Variants in TIMM23 observed in about 807,000 individuals in gnomAD.
TIMM23 encodes translocase of inner mitochondrial membrane 23.
TIMM23 carries 19 observed loss-of-function variants against 30.7 expected under a neutral mutation model. That is an observed-to-expected ratio of 0.62 (90% CI 0.43 to 0.91). The LOEUF (loss-of-function observed/expected upper bound fraction) is 0.91, where lower values mean the gene tolerates loss of function less well. Ranked by LOEUF, TIMM23 falls within the 40% of genes least tolerant of loss-of-function variation. The pLI, the probability that TIMM23 is intolerant of heterozygous loss-of-function variation, is 0.00. For synonymous variants in TIMM23, 78 were observed against 98.5 expected (o/e 0.79, Z 1.23); for missense variants, 202 against 269.2 (o/e 0.75, Z 1.75).
chr10:45,975,507 G>T lies in TIMM23; in HGVS notation c.160G>T (p.Val54Leu). ...PYLNVDPRYL[V>L]QDTDEFILPT... is the part of the protein sequence containing the mutation. ...TTTAAATGTGGATCCACGATACCTC[G>T]TGCAGGTAAGATTAAGATTTTACTA... Residue 54 changes from valine to leucine, a missense_variant, in exon 2 of 7, where the codon GTG (valine) becomes TTG (leucine). Transcript: ENST00000580018. The T allele has an allele frequency of 6.2e-7, 1 of 1,613,778 alleles. No homozygotes were observed. Among genetic ancestry groups the T allele is most frequent in the Admixed American group, 1.7e-5 (1 of 59,998 alleles).
intron 6 of TIMM23, 52 bp from the exon 7 acceptor site, chr10:46,003,151 G>A: frequency 7.2e-7 from 1 of 1,391,180 alleles, no homozygotes; most frequent in Non-Finnish European, 1.0e-6. Flanking sequence ...ATCGTGCTAG[G>A]GCACTATGCA....
chr10:45,998,830 T>C (rs1488148293), intron 6 of TIMM23, among the ~76,000 whole-genome samples: 2 of 126,938 alleles, frequency 1.6e-5, no homozygotes, highest in Non-Finnish European at 3.2e-5. Flanking sequence ...GTCCCAAATA[T>C]CTTTTTTTTT....
chr10:45,992,597 C>T (rs1457773907), intron 6 of TIMM23: 50 of 427,988 alleles, frequency 1.2e-4, no homozygotes, highest in African/African-American at 7.5e-4. Flanking sequence ...TTTGCTCTGT[C>T]GCCAGGCTGC....
intron 2 of TIMM23, among the ~76,000 whole-genome samples, chr10:45,980,550 A>G (rs1325942680): frequency 6.6e-6 from 1 of 152,124 alleles, no homozygotes; most frequent in Non-Finnish European, 1.5e-5. Context: ...AAATAAGGAA[A>G]ATTTAAATAT....
At chr10:45,994,265 G>A (rs1838259594) in intron 6 of TIMM23, among the ~76,000 whole-genome samples, 1 of 151,962 alleles carries the variant, frequency 6.6e-6, no homozygotes. Context: ...CTTGAACCCA[G>A]GAGATGGTGG....
intron 2 of TIMM23, among the ~76,000 whole-genome samples, chr10:45,978,591 A>C (rs2132247203): frequency 6.6e-6 from 1 of 152,336 alleles, no homozygotes; most frequent in African/African-American, 2.4e-5. Flanking sequence ...CCACAATGAG[A>C]TACCTCTTTA....
chr10:45,987,593 C>T (rs1442125361), intron 5 of TIMM23, among the ~76,000 whole-genome samples: 2 of 149,008 alleles, frequency 1.3e-5, no homozygotes, highest in African/African-American at 4.9e-5. Flanking sequence ...ACATACTTAA[C>T]ATTTGCGTAT....
At chr10:46,001,405 G>A (rs181874085) in intron 6 of TIMM23, among the ~76,000 whole-genome samples, 62 of 152,276 alleles carry the variant, frequency 4.1e-4, no homozygotes, top group Admixed American at 1.4e-3. Flanking sequence ...GTTTGAGAGA[G>A]ATAATTATGA....
At chr10:45,975,030 T>G (rs1294886326) in intron 1 of TIMM23, among the ~76,000 whole-genome samples, 1 of 152,126 alleles carries the variant, frequency 6.6e-6, no homozygotes, top group Admixed American at 6.5e-5. Flanking sequence ...AGATACAACA[T>G]GTACACAGTC....
intron 2 of TIMM23, among the ~76,000 whole-genome samples, chr10:45,979,249 C>G (rs1399028654): frequency 2.0e-5 from 3 of 152,178 alleles, no homozygotes; most frequent in Non-Finnish European, 2.9e-5. Flanking sequence ...GAATTGTACG[C>G]TCTAAGTAAG....
intron 2 of TIMM23, among the ~76,000 whole-genome samples, chr10:45,980,199 G>A (rs1200982122): frequency 1.3e-5 from 2 of 150,868 alleles, no homozygotes; most frequent in East Asian, 1.9e-4. Context: ...TTGAAGGTTA[G>A]AGACATCTTA....
chr10:46,002,459 A>G (rs1838573682), intron 6 of TIMM23: 1 of 979,986 alleles, frequency 1.0e-6, no homozygotes, highest in Admixed American at 6.2e-5. Flanking sequence ...GTGAGCCACC[A>G]TGCCTGGCCG....
At chr10:46,001,113 T>C (rs1838519319) in intron 6 of TIMM23, among the ~76,000 whole-genome samples, 1 of 152,244 alleles carries the variant, frequency 6.6e-6, no homozygotes, top group Admixed American at 6.5e-5. Context: ...AGCTTTTTAC[T>C]GATTTACTAG....
chr10:45,989,480 T>G (rs1399035796), intron 6 of TIMM23, among the ~76,000 whole-genome samples: 2 of 152,258 alleles, frequency 1.3e-5, no homozygotes, highest in African/African-American at 4.8e-5. Context: ...CTTTCTTTTT[T>G]TGGATATATG....
At chr10:46,002,390 G>A in intron 6 of TIMM23, 2 of 354,884 alleles carry the variant, frequency 5.6e-6, no homozygotes, top group Non-Finnish European at 7.9e-6. Context: ...TGCCTAGGTT[G>A]TTCTCAAACT....
At chr10:45,999,253 A>G (rs1838444764) in intron 6 of TIMM23, among the ~76,000 whole-genome samples, 1 of 151,868 alleles carries the variant, frequency 6.6e-6, no homozygotes. Flanking sequence ...CAATCCTCTC[A>G]CCTCATCCTC....
chr10:45,989,549 T>C (rs1838095007), intron 6 of TIMM23, among the ~76,000 whole-genome samples: 1 of 152,230 alleles, frequency 6.6e-6, no homozygotes, highest in South Asian at 2.1e-4. Context: ...ATTAAGAATA[T>C]AAGATTCTTT....
chr10:45,988,648 A>G, intron 5 of TIMM23, 89 bp from the exon 6 acceptor site: 1 of 869,102 alleles, frequency 1.2e-6, no homozygotes, highest in Non-Finnish European at 2.0e-6. Context: ...GTTATGAGCT[A>G]GGAACCATGG....
rs782645229 is a variant in TIMM23 at position 46,003,364 on chromosome 10, G to A, written c.*46G>A. ...TGGAGGACACTTCAGTAGTCATCTA[G>A]ATCCTTTTATAAGACAGTTTGGAGT... is the stretch of plus-strand genomic sequence containing the variant. On this transcript the variant is annotated 3_prime_UTR_variant, in exon 7 of 7. Transcript: ENST00000580018. The A allele has an allele frequency of 1.5e-6, 2 of 1,317,570 alleles. No homozygotes were observed. Among genetic ancestry groups the A allele is most frequent in the Non-Finnish European group, 2.2e-6 (2 of 917,302 alleles). 81.6% of individuals were successfully genotyped at this position (1,317,570 alleles called of 1,614,324 possible).
Sources: gnomAD v4.1 joint callset for allele counts (sites outside exome capture counted in the v4.1 genomes callset) on GRCh38, gnomAD v4.1.1 for gene constraint, MANE v1.5 for transcripts, NCBI Gene and HGNC (gene_info 2026-07-23, HGNC 2026-07-21) for gene names.